Variants in GLIS1 observed in about 807,000 individuals in gnomAD.
The protein encoded by GLIS1 is zinc finger protein GLIS1.
A neutral mutation model predicts 63.8 loss-of-function variants in GLIS1; 24 were observed. That is an observed-to-expected ratio of 0.38 (90% CI 0.27 to 0.53). The LOEUF is 0.53. Ranked by LOEUF, GLIS1 falls within the 20% of genes least tolerant of loss-of-function variation. The pLI, the probability that GLIS1 is intolerant of heterozygous loss-of-function variation, is 0.85. For synonymous variants in GLIS1, 450 were observed against 482.5 expected (o/e 0.93, Z 0.88); for missense variants, 1,036 against 1,074.1 (o/e 0.96, Z 0.50).
At chr1:53,581,799 T>C (rs187931829) in intron 4 of GLIS1, among the ~76,000 whole-genome samples, 2 of 152,172 alleles carry the variant, frequency 1.3e-5, no homozygotes, top group East Asian at 3.9e-4. Flanking sequence ...GAGAGGAGTG[T>C]GGAAGGAACT....
At position 53,663,291 on chromosome 1, in the gene GLIS1, C is replaced by T. The variant is rs375128905; in HGVS notation, c.260-63013G>A. 5.2e-4 allele frequency among the ~76,000 whole-genome samples: 79 copies of T among 152,362 alleles called. 2 individuals carry two copies. The South Asian group carries it at 0.016, about 30-fold the overall frequency. On this transcript the variant is annotated intron_variant, in intron 2 of 10. Coordinates refer to ENST00000628545, the MANE Select transcript of GLIS1 (RefSeq NM_001367484.1). ...AAATTCCGGTACAGGGCTGGGCCCA[C>T]AGCAGGCAGGCATCAGTGAGTTCTG...
chr1:53,673,306 C>T (rs999711906), intron 2 of GLIS1, among the ~76,000 whole-genome samples: 6 of 152,338 alleles, frequency 3.9e-5, no homozygotes, highest in Non-Finnish European at 7.3e-5. Context: ...ACCACTGGGG[C>T]GACTTGGCCA....
chr1:53,683,419 G>A (rs1646298054), intron 2 of GLIS1, among the ~76,000 whole-genome samples: 1 of 152,170 alleles, frequency 6.6e-6, no homozygotes, highest in African/African-American at 2.4e-5. Flanking sequence ...GTCAAAGCCT[G>A]GGTTCAAGCT....
At position 53,514,787 on chromosome 1, in the gene GLIS1, G is replaced by A; in HGVS notation, c.1727-6C>T. ...GATGGAGCCAGGATACACACCTGCA[G>A]GGAATCAAACAAGGCTCACTGGACT... On this transcript the variant is annotated splice_polypyrimidine_tract_variant and splice_region_variant and intron_variant, in intron 7 of 10. Transcript: ENST00000628545. 6.3e-7 allele frequency: 1 copy of A among 1,578,254 alleles called. No individual in the cohort carries two copies. Among genetic ancestry groups the A allele is most frequent in the African/African-American group, 1.3e-5 (1 of 74,314 alleles).
intron 6 of GLIS1, 23 bp downstream of exon 6, chr1:53,524,754 C>T: frequency 6.4e-7 from 1 of 1,573,220 alleles, no homozygotes; most frequent in Non-Finnish European, 8.7e-7. Flanking sequence ...TGGGAGGAGG[C>T]CAGATGAGGA....
At chr1:53,515,326 T>C (rs899356448) in intron 7 of GLIS1, among the ~76,000 whole-genome samples, 3 of 151,904 alleles carry the variant, frequency 2.0e-5, no homozygotes, top group Non-Finnish European at 4.4e-5. Flanking sequence ...TTGCACAGAA[T>C]AACTACCTCC....
At chr1:53,732,261 T>C (rs1646869303) in intron 2 of GLIS1, among the ~76,000 whole-genome samples, 1 of 152,222 alleles carries the variant, frequency 6.6e-6, no homozygotes, top group African/African-American at 2.4e-5. Context: ...AAAACATGCT[T>C]TAAGTGACTT....
intron 2 of GLIS1, among the ~76,000 whole-genome samples, chr1:53,626,479 C>T (rs752650696): frequency 2.6e-4 from 39 of 152,352 alleles, no homozygotes; most frequent in Admixed American, 5.2e-4. Flanking sequence ...CTGAGCTGGC[C>T]GTGGAGGCCC....
At chr1:53,607,741 C>G (rs956559944) in intron 2 of GLIS1, among the ~76,000 whole-genome samples, 84 of 152,190 alleles carry the variant, frequency 5.5e-4, no homozygotes, top group African/African-American at 2.0e-3. Context: ...GTTCCGGCTG[C>G]TATAACAAAA....
At chr1:53,672,244 A>G (rs926931998) in intron 2 of GLIS1, among the ~76,000 whole-genome samples, 3 of 152,234 alleles carry the variant, frequency 2.0e-5, no homozygotes, top group Admixed American at 6.5e-5. Flanking sequence ...AGTGCAGGGC[A>G]GTGGGCAGAA....
At chr1:53,661,261 T>A (rs1164762264) in intron 2 of GLIS1, among the ~76,000 whole-genome samples, 1 of 151,818 alleles carries the variant, frequency 6.6e-6, no homozygotes, top group African/African-American at 2.4e-5. Flanking sequence ...CAGGGAAGGC[T>A]TCTTGGAGGA....
chr1:53,576,573 C>A (rs887969163), intron 4 of GLIS1, among the ~76,000 whole-genome samples: 1 of 152,158 alleles, frequency 6.6e-6, no homozygotes, highest in African/African-American at 2.4e-5. Context: ...CTCCTCACTG[C>A]CCAGCTCAGA....
intron 4 of GLIS1, among the ~76,000 whole-genome samples, chr1:53,544,073 G>A (rs959914578): frequency 6.6e-6 from 1 of 152,180 alleles, no homozygotes; most frequent in South Asian, 2.1e-4. Context: ...TGCGCCACCC[G>A]ACTCAGAGGG....
chr1:53,554,292 G>A (rs1444742625), intron 4 of GLIS1, among the ~76,000 whole-genome samples: 1 of 152,118 alleles, frequency 6.6e-6, no homozygotes, highest in Non-Finnish European at 1.5e-5. Flanking sequence ...ACGACCATGT[G>A]AGGTCACACA....
chr1:53,510,149 G>C (rs537416552), intron 8 of GLIS1, 122 bp from the exon 9 acceptor site: 1 of 451,994 alleles, frequency 2.2e-6, no homozygotes, highest in Non-Finnish European at 3.7e-6. Flanking sequence ...GACCTGCTCC[G>C]ACTTACAATA....
intron 4 of GLIS1, among the ~76,000 whole-genome samples, chr1:53,554,909 A>C (rs1644802263): frequency 6.6e-6 from 1 of 152,156 alleles, no homozygotes; most frequent in Non-Finnish European, 1.5e-5. Context: ...GTGTGGAGCC[A>C]TTCTCTGGGG....
intron 2 of GLIS1, among the ~76,000 whole-genome samples, chr1:53,632,485 GCA>G (rs2100250500): frequency 6.7e-6 from 1 of 149,924 alleles, no homozygotes; most frequent in East Asian, 2.0e-4. Flanking sequence ...TGACTGAGGG[GCA>G]TGTGAATGAG....
intron 2 of GLIS1, among the ~76,000 whole-genome samples, chr1:53,667,913 A>C (rs747481349): frequency 6.6e-6 from 1 of 152,176 alleles, no homozygotes; most frequent in African/African-American, 2.4e-5. Context: ...ACCATTGTAC[A>C]TGGCTTCAAT....
intron 4 of GLIS1, among the ~76,000 whole-genome samples, chr1:53,535,199 G>A (rs976808064): frequency 1.3e-5 from 2 of 151,942 alleles, no homozygotes; most frequent in Admixed American, 1.3e-4. Context: ...GGCAAATTTG[G>A]GGATTTTTGA....
Sources: allele counts gnomAD v4.1 joint callset (sites outside exome capture counted in the v4.1 genomes callset), GRCh38; gene constraint gnomAD v4.1.1; transcripts MANE v1.5; gene names NCBI Gene and HGNC (gene_info 2026-07-23, HGNC 2026-07-21).